LEPR: variants seen among roughly 807,000 people sequenced by gnomAD.
LEPR encodes OB receptor.
LEPR carries 56 observed loss-of-function variants against 114.7 expected under a neutral mutation model. The ratio of observed to expected loss-of-function variants is 0.49; its 90% CI spans 0.39 to 0.61. The LOEUF (loss-of-function observed/expected upper bound fraction) is 0.61. Ranked by LOEUF, LEPR falls within the 20% of genes least tolerant of loss-of-function variation. The pLI is 0.00. For missense variants in LEPR, 1,202 were observed against 1,352.9 expected, an observed-to-expected ratio of 0.89 and a Z score of 1.75; for synonymous variants, 443 against 461.4, an observed-to-expected ratio of 0.96 and a Z score of 0.51.
intron 10 of LEPR, 70 bp downstream of exon 10, chr1:65,602,030 A>G: frequency 2.4e-6 from 3 of 1,257,972 alleles, no homozygotes; most frequent in South Asian, 1.2e-5. Flanking sequence ...TAGAAATATT[A>G]CAACAGTAGT....
chr1:65,568,527 C>T (rs1256932142), intron 3 of LEPR, among the ~76,000 whole-genome samples: 3 of 123,614 alleles, frequency 2.4e-5, no homozygotes, highest in East Asian at 2.8e-4. Flanking sequence ...TGTGTGTGTG[C>T]ATGTGCATGT....
chr1:65,622,164 A>G (rs1347666710), intron 18 of LEPR, among the ~76,000 whole-genome samples: 1 of 152,202 alleles, frequency 6.6e-6, no homozygotes, highest in Non-Finnish European at 1.5e-5. Context: ...ATGTACATAC[A>G]TTCAGGAAAC....
At chr1:65,626,445 A>G in intron 19 of LEPR, 1 of 385,328 alleles carries the variant, frequency 2.6e-6, no homozygotes, top group Non-Finnish European at 3.5e-6. Context: ...CTAACCCACA[A>G]GATGCTTAGT....
At chr1:65,463,475 C>G (rs560458760) in intron 2 of LEPR, among the ~76,000 whole-genome samples, 1 of 152,104 alleles carries the variant, frequency 6.6e-6, no homozygotes, top group Non-Finnish European at 1.5e-5. Context: ...CAGCTTTGTT[C>G]TTTTTGCTTA....
intron 12 of LEPR, among the ~76,000 whole-genome samples, chr1:65,609,115 T>C (rs554534677): frequency 1.4e-4 from 22 of 152,322 alleles, no homozygotes; most frequent in African/African-American, 4.8e-4. Context: ...TTATAGAACG[T>C]TGGTTGCATA....
Position 65,636,663 on chromosome 1 carries a change from C to T in LEPR, c.3146C>T (p.Pro1049Leu). The change falls in exon 20 of 20, where the codon CCA becomes CTA. Residue 1049 changes from proline to leucine, a missense_variant. Pro to Leu is a moderately conservative substitution (Grantham distance 98). Coordinates refer to ENST00000349533, the MANE Select transcript of LEPR (RefSeq NM_002303.6). Reference protein sequence around the residue: ...LSDQHPNIISPHLTFSEGLDE... With the variant: ...LSDQHPNIISLHLTFSEGLDE... ...GATCAGCATCCCAACATAATTTCAC[C>T]ACACCTCACATTCTCAGAAGGATTG... is the stretch of plus-strand genomic sequence containing the variant. 1 of 1,609,786 alleles carries T rather than the reference C, an allele frequency of 6.2e-7. No homozygotes were observed. The highest frequency in any genetic ancestry group is 2.2e-5 in the East Asian group (1 of 44,804).
chr1:65,622,907 A>T lies in LEPR; in HGVS notation c.2599A>T (p.Met867Leu). The part of the protein sequence containing the change: ...LGTLLISHQR[M>L]KKLFWEDVPN... ...TGATGCCCTGTTTATCCTTTGTAGA[A>T]TGAAAAAGCTATTTTGGGAAGATGT... Residue 867 changes from methionine (M) to leucine (L), a missense_variant and splice_region_variant, in exon 19 of 20, where the codon ATG (methionine) becomes TTG (leucine). By Grantham distance (15) the Met-to-Leu change is conservative (BLOSUM62 2). Coordinates refer to ENST00000349533, the MANE Select transcript of LEPR (RefSeq NM_002303.6). 1 of 1,613,960 alleles carries T rather than the reference A, an allele frequency of 6.2e-7. No individual in the cohort carries two copies. Among genetic ancestry groups the T allele is most frequent in the South Asian group, 1.1e-5 (1 of 91,064 alleles).
intron 2 of LEPR, among the ~76,000 whole-genome samples, chr1:65,552,453 A>G (rs536455844): frequency 6.6e-6 from 1 of 152,200 alleles, no homozygotes; most frequent in South Asian, 2.1e-4. Flanking sequence ...CTTTACCATT[A>G]TGTCATGCTC....
chr1:65,628,293 G>C lies in LEPR; in HGVS notation c.2673+5312G>C, dbSNP rs148048925. 7.1e-4 allele frequency among the ~76,000 whole-genome samples: 108 copies of C among 152,154 alleles called. No individual in the cohort carries two copies. In the East Asian group the frequency reaches 0.02, roughly 29 times the overall value. On this transcript the variant is annotated intron_variant, in intron 19 of 19. Coordinates refer to ENST00000349533, the MANE Select transcript of LEPR (RefSeq NM_002303.6). The stretch of plus-strand genomic sequence containing the variant: ...TAAAGATGAAAATATAGGACAATAT[G>C]AAAACAGCTCTATATTAACACAATA...
intron 2 of LEPR, among the ~76,000 whole-genome samples, chr1:65,425,698 G>C (rs1424894466): frequency 6.6e-6 from 1 of 152,248 alleles, no homozygotes. Flanking sequence ...GGTCTAGTCA[G>C]TAATCTGGCA....
intron 2 of LEPR, among the ~76,000 whole-genome samples, chr1:65,504,672 A>G (rs1393035871): frequency 6.6e-6 from 1 of 152,230 alleles, no homozygotes; most frequent in Non-Finnish European, 1.5e-5. Context: ...ACTGCAAGTA[A>G]TGCAGCACCC....
rs571868717 is a variant in LEPR, at chr1:65,525,289, G to A, written c.-20-40257G>A. The stretch of plus-strand genomic sequence containing the variant: ...CTGGAAGTCTGGGGGTGGGAGGGAC[G>A]GGGGAACCCCAGTGCCTATCTCAAG... On this transcript the variant is annotated intron_variant, in intron 2 of 19. Coordinates refer to ENST00000349533, the MANE Select transcript of LEPR (RefSeq NM_002303.6). 3.3e-5 allele frequency among the ~76,000 whole-genome samples: 5 copies of A among 152,202 alleles called. No individual in the cohort carries two copies. In the South Asian group the frequency reaches 1.0e-3, roughly 32 times the overall value.
chr1:65,422,566 A>C (rs1018038411), intron 1 of LEPR, among the ~76,000 whole-genome samples: 3 of 152,228 alleles, frequency 2.0e-5, no homozygotes, highest in African/African-American at 7.2e-5. Flanking sequence ...TGCTCCAGAG[A>C]AAGGACTGTT....
intron 2 of LEPR, chr1:65,493,772 A>C (rs1648002589): frequency 6.6e-6 from 1 of 152,130 alleles, no homozygotes; most frequent in Non-Finnish European, 1.5e-5. Flanking sequence ...TGTATCTTTT[A>C]GTCAAACTAC....
chr1:65,424,416 G>A (rs1431374588), intron 1 of LEPR, among the ~76,000 whole-genome samples: 2 of 152,164 alleles, frequency 1.3e-5, no homozygotes, highest in African/African-American at 4.8e-5. Flanking sequence ...ACTTGCCTTG[G>A]GAGGTAGTGA....
At chr1:65,496,808 G>A (rs867073918) in intron 2 of LEPR, among the ~76,000 whole-genome samples, 1 of 152,062 alleles carries the variant, frequency 6.6e-6, no homozygotes, top group African/African-American at 2.4e-5. Flanking sequence ...CTCTAGAGCA[G>A]TGTGACTTGA....
chr1:65,518,027 A>G lies in LEPR; in HGVS notation c.-20-47519A>G, dbSNP rs141901953. On this transcript the variant is annotated intron_variant, in intron 2 of 19. Transcript: ENST00000349533. Reference sequence around the variant, plus strand: ...GTAGTTTTCTCCAATTTCATTTGGTATGCCTATTAAAATGCAGAGTCCTGT... The same window carrying G: ...GTAGTTTTCTCCAATTTCATTTGGTGTGCCTATTAAAATGCAGAGTCCTGT... Among the ~76,000 whole-genome samples, 5 of 152,308 alleles carry G rather than the reference A, an allele frequency of 3.3e-5. No individual in the cohort carries two copies. In the South Asian group the frequency reaches 6.2e-4, roughly 19 times the overall value.
At chr1:65,487,715 TA>T (rs375471094) in intron 2 of LEPR, among the ~76,000 whole-genome samples, 48,476 of 150,960 alleles carry the variant, frequency 0.32, 9,939 homozygotes, top group Non-Finnish European at 0.46. Flanking sequence ...AATTTTTTTT[TA>T]AAATTATCTT....
At chr1:65,424,516 C>G (rs1646318709) in intron 1 of LEPR, among the ~76,000 whole-genome samples, 1 of 150,534 alleles carries the variant, frequency 6.6e-6, no homozygotes, top group African/African-American at 2.4e-5. Context: ...GGGTTAGGTA[C>G]TGGAATTACT....
Sources: gnomAD v4.1 joint callset for allele counts (sites outside exome capture counted in the v4.1 genomes callset) on GRCh38, gnomAD v4.1.1 for gene constraint, MANE v1.5 for transcripts, NCBI Gene and HGNC (gene_info 2026-07-23, HGNC 2026-07-21) for gene names.